LGR5: variants seen among roughly 807,000 people sequenced by gnomAD.
The protein encoded by LGR5 is leucine-rich repeat-containing G protein-coupled receptor 5.
A neutral mutation model predicts 76.7 loss-of-function variants in LGR5; 54 were observed. The ratio of observed to expected loss-of-function variants is 0.70; its 90% CI spans 0.57 to 0.88. LGR5 has a LOEUF of 0.88. LGR5 is among the 40% of genes least tolerant of loss of function. The pLI is 0.00. For synonymous variants in LGR5, 406 were observed against 421.9 expected (o/e 0.96, Z 0.46); for missense variants, 1,078 against 1,073.3 (o/e 1.00, Z -0.06).
chr12:71,573,162 C>T (rs893909087), intron 13 of LGR5: 1 of 375,334 alleles, frequency 2.7e-6, no homozygotes, highest in Admixed American at 4.6e-5. Flanking sequence ...AGGAAGGAAG[C>T]TAAGCTGTTG....
At chr12:71,503,296 T>C (rs1398045581) in intron 1 of LGR5, among the ~76,000 whole-genome samples, 8 of 152,220 alleles carry the variant, frequency 5.3e-5, no homozygotes, top group East Asian at 1.9e-4. Flanking sequence ...TTTTGGAATA[T>C]GGACAATGCA....
chr12:71,442,813 C>T (rs1871824681), intron 1 of LGR5, among the ~76,000 whole-genome samples: 1 of 152,134 alleles, frequency 6.6e-6, no homozygotes, highest in Admixed American at 6.5e-5. Flanking sequence ...TCTGTCTTCA[C>T]TTGTGCAGCC....
At chr12:71,450,687 C>G (rs937978185) in intron 1 of LGR5, among the ~76,000 whole-genome samples, 6 of 152,100 alleles carry the variant, frequency 3.9e-5, no homozygotes, top group African/African-American at 1.4e-4. Flanking sequence ...TTTTGGTTGC[C>G]TTAATGTCTC....
rs1002550441 is a variant in LGR5 at position 71,559,443 on chromosome 12, A to G, written c.717-143A>G. 3 of 584,518 alleles carry G rather than the reference A, an allele frequency of 5.1e-6. No individual in the cohort carries two copies. In the African/African-American group the frequency reaches 5.7e-5, roughly 11 times the overall value. 36.2% of individuals were successfully genotyped at this position (584,518 alleles called of 1,614,324 possible). A position where few individuals can be genotyped will look rare whatever the true frequency, so the allele number is the denominator to read the frequency against. ...GAATGTTGGTAGTCAGCAAGCCAAG[A>G]AAATCTCTTTCCATAAAGAAAAGCA... On this transcript the variant is annotated intron_variant, in intron 6 of 17. Coordinates refer to ENST00000266674, the MANE Select transcript of LGR5 (RefSeq NM_003667.4).
chr12:71,555,334 C>T (rs1205711313), intron 5 of LGR5, among the ~76,000 whole-genome samples: 1 of 152,072 alleles, frequency 6.6e-6, no homozygotes, highest in African/African-American at 2.4e-5. Flanking sequence ...TCCAGCTGTA[C>T]TTTTTCACCC....
At chr12:71,494,811 C>T (rs1332803351) in intron 1 of LGR5, among the ~76,000 whole-genome samples, 1 of 151,168 alleles carries the variant, frequency 6.6e-6, no homozygotes, top group Non-Finnish European at 1.5e-5. Context: ...GATTCCAGAT[C>T]TATTCTGGAA....
chr12:71,537,670 CCTT>C (rs769694203), intron 4 of LGR5, among the ~76,000 whole-genome samples: 5 of 152,096 alleles, frequency 3.3e-5, no homozygotes, highest in Non-Finnish European at 5.9e-5. Flanking sequence ...TTGTACTTCT[CCTT>C]CTTCCTTTAA....
At chr12:71,566,212 T>A (rs1232101301) in intron 8 of LGR5, among the ~76,000 whole-genome samples, 192 bp from the exon 9 acceptor site, 1 of 152,196 alleles carries the variant, frequency 6.6e-6, no homozygotes, top group Non-Finnish European at 1.5e-5. Context: ...TACAGATTCC[T>A]TACCAAAAAT....
At chr12:71,554,063 G>A (rs1394641430) in intron 5 of LGR5, among the ~76,000 whole-genome samples, 2 of 152,156 alleles carry the variant, frequency 1.3e-5, no homozygotes, top group African/African-American at 2.4e-5. Context: ...CCCTGGGGAA[G>A]AGAGTGAGAC....
chr12:71,510,859 G>T (rs1339772695), intron 2 of LGR5, among the ~76,000 whole-genome samples: 1 of 152,104 alleles, frequency 6.6e-6, no homozygotes, highest in African/African-American at 2.4e-5. Context: ...GGAGAACAGT[G>T]TGAGCAGAGG....
intron 7 of LGR5, among the ~76,000 whole-genome samples, chr12:71,560,521 A>G (rs1010914439): frequency 4.6e-5 from 7 of 152,250 alleles, no homozygotes; most frequent in Admixed American, 1.3e-4. Flanking sequence ...GGCCAGCTCA[A>G]TGGGTCATGC....
At chr12:71,510,752 G>A (rs950146866) in intron 2 of LGR5, among the ~76,000 whole-genome samples, 18 of 152,104 alleles carry the variant, frequency 1.2e-4, no homozygotes, top group Non-Finnish European at 2.4e-4. Context: ...ATAACAAGGA[G>A]TGAGAAGGAG....
chr12:71,575,810 T>G (rs1228289104), intron 13 of LGR5, among the ~76,000 whole-genome samples: 1 of 151,734 alleles, frequency 6.6e-6, no homozygotes, highest in Non-Finnish European at 1.5e-5. Context: ...GCAGCACTAT[T>G]CACAATAGCA....
At chr12:71,576,580 G>A (rs904516218) in intron 13 of LGR5, among the ~76,000 whole-genome samples, 2 of 152,158 alleles carry the variant, frequency 1.3e-5, no homozygotes, top group African/African-American at 4.8e-5. Flanking sequence ...TCAGCCCCAG[G>A]CACAAAGCAG....
chr12:71,520,455 A>G (rs1289014205), intron 2 of LGR5, among the ~76,000 whole-genome samples: 1 of 152,186 alleles, frequency 6.6e-6, no homozygotes, highest in Non-Finnish European at 1.5e-5. Flanking sequence ...GGGATAATCA[A>G]AAATTTGGGT....
chr12:71,566,649 C>G lies in LGR5; in HGVS notation c.947C>G (p.Ser316Ter). The change falls in exon 10 of 18, where the codon TCA (serine) becomes TGA (stop). Residue 316 changes from serine to a stop codon, truncating the protein, a stop_gained. Coordinates refer to ENST00000266674, the MANE Select transcript of LGR5 (RefSeq NM_003667.4). LOFTEE classifies it high-confidence loss of function. ...CTTTCTAGGACTCTGAATGGTGCCT[C>G]ACAAATAACTGAATTTCCTGATTTA... ...ELRTLTLNGA[S>*]QITEFPDLTG... 1 of 1,613,166 alleles carries G rather than the reference C, an allele frequency of 6.2e-7. No individual in the cohort carries two copies. The highest frequency in any genetic ancestry group is 8.5e-7 in the Non-Finnish European group (1 of 1,179,300).
intron 1 of LGR5, among the ~76,000 whole-genome samples, chr12:71,447,689 A>T (rs1319398539): frequency 1.3e-5 from 2 of 152,182 alleles, no homozygotes; most frequent in Non-Finnish European, 2.9e-5. Context: ...TACACACACC[A>T]ACAAGAAACA....
intron 4 of LGR5, among the ~76,000 whole-genome samples, chr12:71,547,980 C>T (rs1044480064): frequency 8.9e-6 from 1 of 112,266 alleles, no homozygotes; most frequent in African/African-American, 3.1e-5. Flanking sequence ...ATGTAACAGA[C>T]CCCCCCCAAA....
chr12:71,485,998 T>C (rs1009093831), intron 1 of LGR5, among the ~76,000 whole-genome samples: 9 of 152,082 alleles, frequency 5.9e-5, no homozygotes, highest in African/African-American at 1.9e-4. Flanking sequence ...ACTCCTGACC[T>C]TGTGATCCGT....
Sources: gnomAD v4.1 joint callset for allele counts (sites outside exome capture counted in the v4.1 genomes callset) on GRCh38, gnomAD v4.1.1 for gene constraint, MANE v1.5 for transcripts, NCBI Gene and HGNC (gene_info 2026-07-23, HGNC 2026-07-21) for gene names.